GRIK1: variants seen among roughly 807,000 people sequenced by gnomAD.
GRIK1 encodes glutamate receptor ionotropic, kainate 1.
In GRIK1, 69 loss-of-function variants were observed where a neutral mutation model predicts 105.7. The ratio of observed to expected loss-of-function variants is 0.65; its 90% CI spans 0.54 to 0.80. The LOEUF is 0.80. Among genes scored for constraint, GRIK1 ranks in the 30% least tolerant of loss-of-function variants. GRIK1 has a pLI of 0.00. For synonymous variants in GRIK1, 438 were observed against 431.3 expected, an observed-to-expected ratio of 1.02 and a Z score of -0.19; for missense variants, 1,109 against 1,167.3, an observed-to-expected ratio of 0.95 and a Z score of 0.73.
Position 29,561,675 on chromosome 21 carries a change from G to A in GRIK1, c.2305C>T (p.Gln769Ter), listed in dbSNP as rs1241331681. The A allele has an allele frequency of 1.9e-6, 3 of 1,613,958 alleles. No homozygotes were observed. Among genetic ancestry groups the A allele is most frequent in the Admixed American group, 1.7e-5 (1 of 59,994 alleles). ...YVTQRNCNLT[Q>*]IGGLIDSKGY... is the part of the protein sequence containing the mutation. ...TTGGAGTCAATGAGGCCCCCGATCTGAGTGAGGTTGCAGTTTCTCTGCGTC... is the reference window on the plus strand; with the variant it reads ...TTGGAGTCAATGAGGCCCCCGATCTAAGTGAGGTTGCAGTTTCTCTGCGTC... The change falls in exon 15 of 18, where the codon CAG (glutamine) becomes TAG (stop). Residue 769 changes from glutamine (Q) to a stop codon, truncating the protein, a stop_gained. Transcript: ENST00000327783. LOFTEE classifies it high-confidence loss of function.
intron 8 of GRIK1, 52 bp downstream of exon 8, chr21:29,598,778 G>A (rs768188020): frequency 2.6e-5 from 21 of 806,010 alleles, no homozygotes; most frequent in Admixed American, 8.9e-5. Flanking sequence ...TAGTAAAAAT[G>A]CCTGAACAAT....
rs190165595 is a variant in GRIK1, at chr21:29,629,897, A to T, written c.1098+12929T>A. Among the ~76,000 whole-genome samples, 24 of 152,308 alleles carry T rather than the reference A, an allele frequency of 1.6e-4. No homozygotes were observed. In the East Asian group the frequency reaches 4.6e-3, roughly 29 times the overall value. On this transcript the variant is annotated intron_variant, in intron 7 of 17. Coordinates refer to ENST00000327783, the MANE Select transcript of GRIK1 (RefSeq NM_001330994.2). ...AGGGGAATGGAAGAGATGAGTAGAC[A>T]CAAGTAAAAGGATTGAGAGGTGGCC... is the stretch of plus-strand genomic sequence containing the variant.
At chr21:29,710,789 CTCCTTCCTTCCTTCCTTCCTTCCTTCCT>C (rs537652425) in intron 1 of GRIK1, among the ~76,000 whole-genome samples, 4 of 67,200 alleles carry the variant, frequency 6.0e-5, no homozygotes, top group South Asian at 8.0e-4. Context: ...CCCTCCCTCC[CTCCTTCCTTCCTTCCTTCCTTCCTTCCT>C]TCCTTCCTTC....
At chr21:29,698,957 G>A (rs912786915) in intron 1 of GRIK1, among the ~76,000 whole-genome samples, 16 of 152,080 alleles carry the variant, frequency 1.1e-4, no homozygotes, top group South Asian at 2.1e-4. Context: ...ATTAATACAC[G>A]TTCGTATTTA....
At chr21:29,887,312 G>A (rs1307719831) in intron 1 of GRIK1, among the ~76,000 whole-genome samples, 2 of 152,080 alleles carry the variant, frequency 1.3e-5, no homozygotes, top group African/African-American at 2.4e-5. Context: ...AAGAATATGG[G>A]GGTACAGAAG....
intron 7 of GRIK1, among the ~76,000 whole-genome samples, chr21:29,619,958 T>C (rs1229800685): frequency 6.6e-6 from 1 of 152,230 alleles, no homozygotes; most frequent in East Asian, 1.9e-4. Flanking sequence ...TATTCATATC[T>C]AAGCATCAAA....
chr21:29,894,609 C>G (rs2070042597), intron 1 of GRIK1, among the ~76,000 whole-genome samples: 1 of 152,124 alleles, frequency 6.6e-6, no homozygotes, highest in South Asian at 2.1e-4. Flanking sequence ...CCCACACAGA[C>G]ATGCCCAGAA....
At chr21:29,867,797 G>GAAGAAAGAAAGAAAGA (rs548130429) in intron 1 of GRIK1, among the ~76,000 whole-genome samples, 4 of 137,218 alleles carry the variant, frequency 2.9e-5, no homozygotes, top group South Asian at 2.4e-4. Context: ...TATGTCGAAA[G>GAAGAAAGAAAGAAAGA]AAGAAAGAAA....
At chr21:29,755,578 G>T (rs900997552) in intron 1 of GRIK1, among the ~76,000 whole-genome samples, 1 of 152,340 alleles carries the variant, frequency 6.6e-6, no homozygotes, top group Middle Eastern at 3.4e-3. Context: ...CATCGCTCCA[G>T]AGAGTCAATA....
intron 1 of GRIK1, among the ~76,000 whole-genome samples, chr21:29,916,435 C>T (rs530795891): frequency 9.9e-5 from 15 of 151,852 alleles, no homozygotes; most frequent in South Asian, 2.1e-4. Flanking sequence ...AAGCTAATAA[C>T]CTAGATTAAT....
intron 1 of GRIK1, among the ~76,000 whole-genome samples, chr21:29,864,906 G>A (rs2068753605): frequency 6.6e-6 from 1 of 152,150 alleles, no homozygotes; most frequent in Non-Finnish European, 1.5e-5. Flanking sequence ...TGATGGTCAC[G>A]ATTGGGTTGG....
chr21:29,771,033 T>C (rs569573023), intron 1 of GRIK1, among the ~76,000 whole-genome samples: 83 of 152,356 alleles, frequency 5.4e-4, no homozygotes, highest in Non-Finnish European at 1.0e-3. Flanking sequence ...TAAATGTGGT[T>C]TCTATTATAA....
At chr21:29,861,814 T>C in intron 1 of GRIK1, 1 of 270,420 alleles carries the variant, frequency 3.7e-6, no homozygotes, top group Non-Finnish European at 7.3e-6. Flanking sequence ...AATAAGTCCA[T>C]TTAATTATGT....
chr21:29,860,543 G>A (rs1275785277), intron 1 of GRIK1, among the ~76,000 whole-genome samples: 2 of 152,128 alleles, frequency 1.3e-5, no homozygotes, highest in South Asian at 2.1e-4. Flanking sequence ...CCACAAATGG[G>A]TCAAAGATAA....
chr21:29,616,588 T>C (rs1293084376), intron 7 of GRIK1, among the ~76,000 whole-genome samples: 1 of 152,228 alleles, frequency 6.6e-6, no homozygotes, highest in African/African-American at 2.4e-5. Flanking sequence ...TTTCAGCATT[T>C]ATTTCCTCAG....
intron 3 of GRIK1, among the ~76,000 whole-genome samples, chr21:29,683,033 T>C (rs2063412635): frequency 6.6e-6 from 1 of 151,980 alleles, no homozygotes; most frequent in African/African-American, 2.4e-5. Context: ...TATGAAAAAA[T>C]GCTCATCATG....
intron 1 of GRIK1, among the ~76,000 whole-genome samples, chr21:29,899,108 T>A (rs914562009): frequency 2.0e-5 from 3 of 152,220 alleles, no homozygotes; most frequent in Non-Finnish European, 4.4e-5. Flanking sequence ...ATTTACCAAA[T>A]TGAAATGAGA....
At chr21:29,734,856 G>A (rs190880793) in intron 1 of GRIK1, among the ~76,000 whole-genome samples, 2 of 152,078 alleles carry the variant, frequency 1.3e-5, no homozygotes, top group East Asian at 3.9e-4. Flanking sequence ...GCCTTCTTGG[G>A]ATTCTTCTCA....
intron 1 of GRIK1, among the ~76,000 whole-genome samples, chr21:29,841,091 GA>G (rs1439451981): frequency 6.6e-6 from 1 of 152,090 alleles, no homozygotes; most frequent in Non-Finnish European, 1.5e-5. Context: ...TAGCAAATAA[GA>G]AAGCTATATT....
Sources: allele counts gnomAD v4.1 joint callset (sites outside exome capture counted in the v4.1 genomes callset), GRCh38; gene constraint gnomAD v4.1.1; transcripts MANE v1.5; gene names NCBI Gene and HGNC (gene_info 2026-07-23, HGNC 2026-07-21).